The following ZSCAN5A variants were observed in gnomAD, a reference collection of about 807,000 sequenced individuals.
ZSCAN5A encodes the protein zinc finger and SCAN domain containing 5A, also known as zinc finger and SCAN domain-containing protein 5A.
Under a neutral mutation model 23.7 loss-of-function variants are expected in ZSCAN5A, and 12 were observed. That is an observed-to-expected ratio of 0.51 (90% CI 0.32 to 0.82). The LOEUF is 0.82. Ranked by LOEUF, ZSCAN5A falls within the 40% of genes least tolerant of loss-of-function variation. The pLI is 0.03. For missense variants in ZSCAN5A, 597 were observed against 617.9 expected (o/e 0.97, Z 0.36); for synonymous variants, 257 against 239.9 (o/e 1.07, Z -0.66).
At chr19:56,233,857 C>A (rs1314654758) in intron 2 of ZSCAN5A, among the ~76,000 whole-genome samples, 4 of 152,114 alleles carry the variant, frequency 2.6e-5, no homozygotes, top group Admixed American at 2.6e-4. Context: ...TGCGGAGCCA[C>A]CCTCAGAATA....
chr19:56,281,361 T>TGTAC (rs1323664753), intron 2 of ZSCAN5A, among the ~76,000 whole-genome samples: 1 of 110,154 alleles, frequency 9.1e-6, no homozygotes, highest in African/African-American at 3.4e-5. Flanking sequence ...GGTGTGTGTA[T>TGTAC]GTACACATAT....
intron 2 of ZSCAN5A, among the ~76,000 whole-genome samples, chr19:56,239,614 T>C (rs1173982192): frequency 6.6e-6 from 1 of 152,182 alleles, no homozygotes; most frequent in African/African-American, 2.4e-5. Flanking sequence ...AAACCAGTGA[T>C]TTAGACTAGT....
chr19:56,263,115 C>T (rs1310170837), intron 2 of ZSCAN5A: 4 of 152,174 alleles, frequency 2.6e-5, no homozygotes, highest in Non-Finnish European at 5.9e-5. Context: ...TTCTTGGGGC[C>T]AGGCATACCT....
intron 2 of ZSCAN5A, among the ~76,000 whole-genome samples, chr19:56,237,645 C>T (rs2035034167): frequency 2.0e-5 from 3 of 152,038 alleles, no homozygotes; most frequent in African/African-American, 4.8e-5. Context: ...TGGGCCGGGG[C>T]GCGGTGGCTC....
intron 1 of ZSCAN5A, among the ~76,000 whole-genome samples, chr19:56,364,732 A>C (rs567024546): frequency 2.0e-4 from 31 of 152,374 alleles, no homozygotes; most frequent in African/African-American, 6.7e-4. Context: ...ATGCAATGGA[A>C]TGCTACTAAG....
intron 2 of ZSCAN5A, among the ~76,000 whole-genome samples, chr19:56,229,349 G>A (rs2034260398): frequency 6.6e-6 from 1 of 152,172 alleles, no homozygotes; most frequent in Non-Finnish European, 1.5e-5. Flanking sequence ...GAACTTTCCT[G>A]ATGTGTTGTT....
chr19:56,276,306 C>G (rs2038247536), intron 2 of ZSCAN5A, among the ~76,000 whole-genome samples: 1 of 152,144 alleles, frequency 6.6e-6, no homozygotes, highest in Admixed American at 6.5e-5. Context: ...ACTAAAAGAG[C>G]AGCCCTCCTT....
intron 2 of ZSCAN5A, among the ~76,000 whole-genome samples, chr19:56,301,587 TA>T (rs1485177384): frequency 6.6e-6 from 1 of 152,194 alleles, no homozygotes; most frequent in Non-Finnish European, 1.5e-5. Flanking sequence ...ATCCTGTGAC[TA>T]AGAATGCCTT....
intron 2 of ZSCAN5A, among the ~76,000 whole-genome samples, chr19:56,289,360 GGAGGA>G (rs1189616245): frequency 6.6e-6 from 1 of 152,192 alleles, no homozygotes; most frequent in Non-Finnish European, 1.5e-5. Flanking sequence ...GTGATAGTCT[GGAGGA>G]GAGAAAGGGG....
chr19:56,349,102 A>G (rs546936613), intron 2 of ZSCAN5A, among the ~76,000 whole-genome samples: 2 of 152,344 alleles, frequency 1.3e-5, no homozygotes, highest in East Asian at 3.9e-4. Context: ...CCATGTGCTC[A>G]GAAATTGTTT....
chr19:56,299,697 A>G (rs1421742238), intron 2 of ZSCAN5A: 1 of 152,202 alleles, frequency 6.6e-6, no homozygotes, highest in Admixed American at 6.5e-5. Flanking sequence ...TCATCTCTAG[A>G]TTACTTATAA....
Position 56,228,208 on chromosome 19 carries a change from A to G in ZSCAN5A, c.-127-3035T>C, listed in dbSNP as rs181291622. ...AAACTTTCTGAAACCAACCCCCGAC[A>G]TGCCAGCTCCTAAACCCGACAGACA... On this transcript the variant is annotated intron_variant, in intron 2 of 5. Transcript: ENST00000683990. The G allele has an allele frequency of 9.8e-4, 962 of 985,020 alleles. 3 individuals carry two copies. The highest frequency in any genetic ancestry group is 1.0e-3 in the Non-Finnish European group (829 of 829,704). The allele number at this position is 985,020 out of a possible 1,614,324, so 61.0% of individuals were successfully genotyped here. A position where few individuals can be genotyped will look rare whatever the true frequency, so the allele number is the denominator to read the frequency against.
At chr19:56,256,786 G>A (rs997830240) in intron 2 of ZSCAN5A, among the ~76,000 whole-genome samples, 1 of 152,284 alleles carries the variant, frequency 6.6e-6, no homozygotes, top group Non-Finnish European at 1.5e-5. Flanking sequence ...GTCGTGTGAC[G>A]ATTGTGTCCT....
Position 56,225,077 on chromosome 19 carries a change from G to A in ZSCAN5A, c.-31C>T. 6.5e-7 allele frequency: 1 copy of A among 1,545,236 alleles called. No individual in the cohort carries two copies. Among genetic ancestry groups the A allele is most frequent in the Non-Finnish European group, 8.7e-7 (1 of 1,148,338 alleles). On this transcript the variant is annotated 5_prime_UTR_variant, in exon 3 of 6. Transcript: ENST00000683990. The stretch of plus-strand genomic sequence containing the variant: ...GTGGAGAATTTTTTAATCAGTCTCT[G>A]AGAAAGCTCTTCCAGTAGCTGGTAT...
intron 2 of ZSCAN5A, chr19:56,244,207 G>A: frequency 6.2e-7 from 1 of 1,609,022 alleles, no homozygotes; most frequent in Non-Finnish European, 8.5e-7. Flanking sequence ...GCCCAGAGGA[G>A]TCGGACCCCA....
intron 2 of ZSCAN5A, among the ~76,000 whole-genome samples, chr19:56,303,828 T>C (rs1290649716): frequency 2.0e-5 from 3 of 151,786 alleles, no homozygotes; most frequent in Non-Finnish European, 1.5e-5. Flanking sequence ...CGTCTGGACA[T>C]AAGAGATGAG....
chr19:56,237,722 C>G (rs1418927072), intron 2 of ZSCAN5A, among the ~76,000 whole-genome samples: 1 of 151,822 alleles, frequency 6.6e-6, no homozygotes, highest in East Asian at 1.9e-4. Context: ...GAGTTTGAGA[C>G]CAGCCTGGGC....
At chr19:56,325,845 T>A (rs2041427326) in intron 2 of ZSCAN5A, among the ~76,000 whole-genome samples, 1 of 152,144 alleles carries the variant, frequency 6.6e-6, no homozygotes, top group African/African-American at 2.4e-5. Context: ...CAATATATAT[T>A]GAGTGCCTTT....
intron 2 of ZSCAN5A, among the ~76,000 whole-genome samples, chr19:56,248,300 AC>A (rs1355716389): frequency 1.3e-5 from 2 of 151,750 alleles, no homozygotes; most frequent in African/African-American, 2.4e-5. Flanking sequence ...TCACTCTTTC[AC>A]CCAGGCTGCA....
Sources: gnomAD v4.1 joint callset for allele counts (sites outside exome capture counted in the v4.1 genomes callset) on GRCh38, gnomAD v4.1.1 for gene constraint, MANE v1.5 for transcripts, NCBI Gene and HGNC (gene_info 2026-07-23, HGNC 2026-07-21) for gene names.